Variants in GRIA4 observed in about 807,000 individuals in gnomAD.
GRIA4 encodes the protein glutamate ionotropic receptor AMPA type subunit 4, also known as glutamate receptor 4.
In GRIA4, 34 loss-of-function variants were observed where a neutral mutation model predicts 104.0. The observed-to-expected ratio is 0.33, with a 90% CI of 0.25 to 0.44. GRIA4 has a LOEUF of 0.44. Ranked by LOEUF, GRIA4 falls within the 20% of genes least tolerant of loss-of-function variation. The probability of loss-of-function intolerance (pLI) is 1.00; values close to 1 mark genes in which losing one functional copy is unlikely to be tolerated. For missense variants in GRIA4, 750 were observed against 1,096.5 expected (o/e 0.68, Z 4.46); for synonymous variants, 386 against 381.9 (o/e 1.01, Z -0.13).
intron 14 of GRIA4, among the ~76,000 whole-genome samples, chr11:105,958,425 G>C (rs1405494662): frequency 6.6e-6 from 1 of 152,090 alleles, no homozygotes; most frequent in Non-Finnish European, 1.5e-5. Context: ...TTATTGATTT[G>C]CATATGTTGA....
At chr11:105,862,901 C>T (rs1433494115) in intron 5 of GRIA4, among the ~76,000 whole-genome samples, 1 of 152,160 alleles carries the variant, frequency 6.6e-6, no homozygotes, top group African/African-American at 2.4e-5. Flanking sequence ...TAACATCTGC[C>T]TTTCCCTACC....
At chr11:105,969,004 C>A (rs1257937472) in intron 14 of GRIA4, among the ~76,000 whole-genome samples, 1 of 152,166 alleles carries the variant, frequency 6.6e-6, no homozygotes, top group Non-Finnish European at 1.5e-5. Flanking sequence ...TAATTCTATA[C>A]TTTATTCTGC....
intron 4 of GRIA4, among the ~76,000 whole-genome samples, chr11:105,840,262 G>A (rs1944344964): frequency 6.6e-6 from 1 of 151,944 alleles, no homozygotes. Context: ...CAAATTTTTG[G>A]TCATTATAAA....
In GRIA4 at chr11:105,662,965, C is replaced by T. The variant is rs1952057560; in HGVS notation, c.247+50531C>T. On this transcript the variant is annotated intron_variant, in intron 3 of 16. Coordinates refer to ENST00000282499, the MANE Select transcript of GRIA4 (RefSeq NM_000829.4). ...ACAGCCATGACACAGAGAGTAAATA[C>T]ATAAAATAAGAGTATCTCAAAACCA... Among the ~76,000 whole-genome samples the T allele has an allele frequency of 2.0e-5, 3 of 151,880 alleles. 1 individual carries two copies. Among genetic ancestry groups the T allele is most frequent in the Admixed American group, 2.0e-4 (3 of 15,198 alleles).
In GRIA4 at chr11:105,637,462, A is replaced by AG. The variant is rs1281439775; in HGVS notation, c.247+25028_247+25029insG. On this transcript the variant is annotated intron_variant, in intron 3 of 16. Coordinates refer to ENST00000282499, the MANE Select transcript of GRIA4 (RefSeq NM_000829.4). ...GAAATAGGTTTGCATTTGTTAGCACAATTTTTTGTAAATATTCACTGAGTG... is the reference window on the plus strand; with the variant it reads ...GAAATAGGTTTGCATTTGTTAGCACAGATTTTTTGTAAATATTCACTGAGTG... Among the ~76,000 whole-genome samples, 5 of 133,092 alleles carry AG rather than the reference A, an allele frequency of 3.8e-5. No homozygotes were observed. In the South Asian group the frequency reaches 9.9e-4, roughly 26 times the overall value. The allele number at this position is 133,092 out of a possible 152,430, so 87.3% of individuals were successfully genotyped here. A position where few individuals can be genotyped will look rare whatever the true frequency, so the allele number is the denominator to read the frequency against.
intron 3 of GRIA4, among the ~76,000 whole-genome samples, chr11:105,639,268 G>T (rs1245346458): frequency 6.6e-6 from 1 of 152,060 alleles, no homozygotes; most frequent in Non-Finnish European, 1.5e-5. Flanking sequence ...GAAAGATAAA[G>T]TTGGTGAAGG....
intron 3 of GRIA4, among the ~76,000 whole-genome samples, chr11:105,621,659 A>G (rs1950748637): frequency 6.6e-6 from 1 of 151,908 alleles, no homozygotes; most frequent in East Asian, 1.9e-4. Context: ...GGTCTTTGAT[A>G]TTACAAACTA....
chr11:105,864,789 A>C (rs1427660602), intron 5 of GRIA4, among the ~76,000 whole-genome samples: 1 of 152,026 alleles, frequency 6.6e-6, no homozygotes, highest in Admixed American at 6.6e-5. Context: ...AGAATCACTT[A>C]AACCCAGGAG....
At chr11:105,835,857 T>A (rs139180032) in intron 4 of GRIA4, among the ~76,000 whole-genome samples, 350 of 151,864 alleles carry the variant, frequency 2.3e-3, no homozygotes, top group African/African-American at 8.0e-3. Context: ...ATTTGAGAAA[T>A]CTGGCTTAAA....
chr11:105,933,211 C>T (rs1431536891), intron 13 of GRIA4, among the ~76,000 whole-genome samples: 1 of 151,782 alleles, frequency 6.6e-6, no homozygotes, highest in Non-Finnish European at 1.5e-5. Context: ...CACTGCACTC[C>T]AGTCTGGGCA....
At chr11:105,770,835 T>G (rs1036813605) in intron 4 of GRIA4, among the ~76,000 whole-genome samples, 15 of 152,062 alleles carry the variant, frequency 9.9e-5, no homozygotes, top group Non-Finnish European at 2.1e-4. Context: ...ACATAAGCCC[T>G]TCAGTGTTCT....
At chr11:105,884,370 T>C (rs1159620005) in intron 5 of GRIA4, among the ~76,000 whole-genome samples, 1 of 152,234 alleles carries the variant, frequency 6.6e-6, no homozygotes, top group African/African-American at 2.4e-5. Flanking sequence ...TCTTCACTTT[T>C]GTTGAGATGA....
chr11:105,813,789 G>A (rs1259193471), intron 4 of GRIA4, among the ~76,000 whole-genome samples: 5 of 152,104 alleles, frequency 3.3e-5, no homozygotes, highest in African/African-American at 1.2e-4. Flanking sequence ...TGTGCTCAAA[G>A]TGCTGAGGAT....
At chr11:105,950,559 G>C (rs1046497232) in intron 14 of GRIA4, among the ~76,000 whole-genome samples, 1 of 150,604 alleles carries the variant, frequency 6.6e-6, no homozygotes, top group Non-Finnish European at 1.5e-5. Context: ...TGAAAAAAAA[G>C]ACATTTTAAC....
intron 4 of GRIA4, among the ~76,000 whole-genome samples, chr11:105,786,716 G>A (rs1401749074): frequency 6.6e-6 from 1 of 152,098 alleles, no homozygotes; most frequent in Non-Finnish European, 1.5e-5. Flanking sequence ...TCTTTGTAAG[G>A]TAAGCTTAAA....
chr11:105,967,927 ACTTAC>A (rs1210070891), intron 14 of GRIA4, among the ~76,000 whole-genome samples: 6 of 152,146 alleles, frequency 3.9e-5, no homozygotes, highest in African/African-American at 1.4e-4. Flanking sequence ...TTCTTTGTAA[ACTTAC>A]CTTACCCCTC....
At chr11:105,852,182 C>T (rs1394011051) in intron 4 of GRIA4, among the ~76,000 whole-genome samples, 4 of 152,010 alleles carry the variant, frequency 2.6e-5, no homozygotes, top group East Asian at 1.9e-4. Flanking sequence ...TGACCAAATA[C>T]GGAATTTAAG....
intron 4 of GRIA4, among the ~76,000 whole-genome samples, chr11:105,800,417 C>T (rs890478381): frequency 6.6e-6 from 1 of 152,026 alleles, no homozygotes; most frequent in Non-Finnish European, 1.5e-5. Flanking sequence ...GCCTCATTAG[C>T]TTAAAGTGTG....
At chr11:105,888,328 G>C (rs1275728641) in intron 6 of GRIA4, among the ~76,000 whole-genome samples, 2 of 110,686 alleles carry the variant, frequency 1.8e-5, no homozygotes, top group Non-Finnish European at 3.3e-5. Flanking sequence ...CTGTCGCCCA[G>C]GCTGGAGTGC....
Sources: allele counts gnomAD v4.1 joint callset (sites outside exome capture counted in the v4.1 genomes callset), GRCh38; gene constraint gnomAD v4.1.1; transcripts MANE v1.5; gene names NCBI Gene and HGNC (gene_info 2026-07-23, HGNC 2026-07-21).